LRRC4B: variants seen among roughly 807,000 people sequenced by gnomAD.
The protein encoded by LRRC4B is leucine rich repeat containing 4B.
LRRC4B carries 1 observed loss-of-function variant against 7.3 expected under a neutral mutation model. The ratio of observed to expected loss-of-function variants is 0.14; its 90% CI spans 0.05 to 0.65. LRRC4B has a LOEUF of 0.65. Among genes scored for constraint, LRRC4B ranks in the 30% least tolerant of loss-of-function variants. LRRC4B has a pLI of 0.84. For missense variants in LRRC4B, 730 were observed against 1,041.6 expected (o/e 0.70, Z 4.12); for synonymous variants, 500 against 499.2 (o/e 1.00, Z -0.02).
chr19:50,538,070 C>A (rs912092365), intron 2 of LRRC4B, among the ~76,000 whole-genome samples: 3 of 151,982 alleles, frequency 2.0e-5, no homozygotes, highest in African/African-American at 7.2e-5. Context: ...TTCTTTTTTG[C>A]CTTTTTTGAG....
chr19:50,538,466 G>A (rs779664529), intron 2 of LRRC4B, among the ~76,000 whole-genome samples: 5 of 151,996 alleles, frequency 3.3e-5, no homozygotes, highest in East Asian at 3.9e-4. Context: ...TGGAAAATGC[G>A]AACTAGTGGG....
At chr19:50,531,933 C>G (rs77080826) in intron 2 of LRRC4B, among the ~76,000 whole-genome samples, 3 of 152,162 alleles carry the variant, frequency 2.0e-5, no homozygotes, top group Non-Finnish European at 4.4e-5. Flanking sequence ...ATCATTAACA[C>G]TGGTCCTGGC....
intron 1 of LRRC4B, among the ~76,000 whole-genome samples, chr19:50,551,299 G>A (rs1441228685): frequency 2.0e-5 from 3 of 150,334 alleles, no homozygotes; most frequent in Non-Finnish European, 4.4e-5. Context: ...GCTTCCTGTC[G>A]AGATCGTGCT....
Position 50,565,196 on chromosome 19 carries a change from G to A in LRRC4B, c.-36+2748C>T, listed in dbSNP as rs542756182. On this transcript the variant is annotated intron_variant, in intron 1 of 2. Coordinates refer to ENST00000652263, the MANE Select transcript of LRRC4B (RefSeq NM_001080457.2). The stretch of plus-strand genomic sequence containing the variant: ...CTCGGTTTGGTGTGTGCGCCACAGT[G>A]CACAGCTCTGTGACTGTCTTAGCGG... 3.9e-5 allele frequency among the ~76,000 whole-genome samples: 6 copies of A among 152,170 alleles called. 1 individual carries two copies.
intron 2 of LRRC4B, among the ~76,000 whole-genome samples, chr19:50,542,986 G>A (rs1981618746): frequency 6.6e-6 from 1 of 152,130 alleles, no homozygotes; most frequent in South Asian, 2.1e-4. Flanking sequence ...CAGGCCAGGG[G>A]CAGGCGAGAA....
intron 2 of LRRC4B, among the ~76,000 whole-genome samples, chr19:50,546,697 C>T (rs942713504): frequency 1.3e-4 from 20 of 152,150 alleles, no homozygotes; most frequent in East Asian, 1.9e-4. Context: ...CCGCTGGTGG[C>T]GCTCAGCACG....
At chr19:50,551,385 G>A (rs904826061) in intron 1 of LRRC4B, among the ~76,000 whole-genome samples, 7 of 151,284 alleles carry the variant, frequency 4.6e-5, no homozygotes, top group South Asian at 2.1e-4. Flanking sequence ...CCCTGGGGGG[G>A]GCTGTCCTTT....
intron 2 of LRRC4B, among the ~76,000 whole-genome samples, chr19:50,526,200 G>C (rs1302856133): frequency 1.3e-5 from 2 of 152,008 alleles, no homozygotes; most frequent in African/African-American, 4.8e-5. Flanking sequence ...CTCTGCCCTG[G>C]AGCAGCTCAT....
rs578087829 is a variant in LRRC4B, at chr19:50,537,489, G to A, written c.297+11053C>T. 3.3e-5 allele frequency among the ~76,000 whole-genome samples: 5 copies of A among 152,284 alleles called. No homozygotes were observed. The highest frequency in any genetic ancestry group is 2.6e-4 in the Admixed American group (4 of 15,290). ...GTGACTCAACGCCTTAGCGTCATTC[G>A]TGGAGGGGAGAACGCGGGTCTTGTG... On this transcript the variant is annotated intron_variant, in intron 2 of 2. Coordinates refer to ENST00000652263, the MANE Select transcript of LRRC4B (RefSeq NM_001080457.2). This position sits in a 1 kb window ranked among gnomAD's most constrained non-coding sequence, Gnocchi z 5.5.
intron 2 of LRRC4B, among the ~76,000 whole-genome samples, chr19:50,526,211 C>A (rs1035552427): frequency 2.6e-5 from 4 of 152,146 alleles, no homozygotes; most frequent in African/African-American, 9.7e-5. Flanking sequence ...AGCAGCTCAT[C>A]CGCCTGGCAC....
chr19:50,517,688 G>A lies in LRRC4B; in HGVS notation c.2025C>T (p.Ser675=). 1 of 1,549,308 alleles carries A rather than the reference G, an allele frequency of 6.5e-7. No homozygotes were observed. The highest frequency in any genetic ancestry group is 8.7e-7 in the Non-Finnish European group (1 of 1,150,460). The change falls in exon 3 of 3, where the codon AGC becomes AGT. Residue 675 remains serine (S), a synonymous_variant. Coordinates refer to ENST00000652263, the MANE Select transcript of LRRC4B (RefSeq NM_001080457.2). The surrounding 1 kb of genome is among the most constrained non-coding windows in gnomAD (Gnocchi z 6.6). ...CGCAGCCCCCGCCGCTGGGGTTGCTGCTGTAGTGCGCCTTGAAGGCGGCAG... is the reference window on the plus strand; with the variant it reads ...CGCAGCCCCCGCCGCTGGGGTTGCTACTGTAGTGCGCCTTGAAGGCGGCAG... ...YVAAAFKAHY[S]SNPSGGGCGG...
Position 50,517,750 on chromosome 19 carries a change from G to A in LRRC4B, c.1963C>T (p.Leu655=). Reference sequence around the variant, plus strand: ...TGGTGGTTGAGGTGGTCTCGCTCCAGGGCGGGCAGGGCCAGGTGGCTGTCC... The same window carrying A: ...TGGTGGTTGAGGTGGTCTCGCTCCAAGGCGGGCAGGGCCAGGTGGCTGTCC... ...GGDSHLALPA[L]ERDHLNHHHY... Residue 655 remains leucine, a synonymous_variant, in exon 3 of 3, where the codon CTG becomes TTG. Coordinates refer to ENST00000652263, the MANE Select transcript of LRRC4B (RefSeq NM_001080457.2). This position sits in a 1 kb window ranked among gnomAD's most constrained non-coding sequence, Gnocchi z 6.6. 2.6e-6 allele frequency: 4 copies of A among 1,526,628 alleles called. No individual in the cohort carries two copies. The highest frequency in any genetic ancestry group is 3.5e-6 in the Non-Finnish European group (4 of 1,140,740). The allele number at this position is 1,526,628 out of a possible 1,614,324, so 94.6% of individuals were successfully genotyped here. A position where few individuals can be genotyped will look rare whatever the true frequency, so the allele number is the denominator to read the frequency against.
At chr19:50,550,462 C>A (rs534171610) in intron 1 of LRRC4B, among the ~76,000 whole-genome samples, 1 of 74,528 alleles carries the variant, frequency 1.3e-5, no homozygotes, top group South Asian at 5.0e-4. Context: ...ACTCTCAGGA[C>A]CCCCCTCTCA....
chr19:50,560,819 T>C (rs909396898), intron 1 of LRRC4B, among the ~76,000 whole-genome samples: 1 of 152,226 alleles, frequency 6.6e-6, no homozygotes, highest in African/African-American at 2.4e-5. Context: ...CCGGGTGCAG[T>C]GGCTCACGCC....
chr19:50,568,179 G>A lies in LRRC4B; in HGVS notation c.-271C>T. 6.5e-6 allele frequency: 1 copy of A among 153,010 alleles called. No homozygotes were observed. Among genetic ancestry groups the A allele is most frequent in the Non-Finnish European group, 1.5e-5 (1 of 68,472 alleles). The allele number at this position is 153,010 out of a possible 1,614,324, so 9.5% of individuals were successfully genotyped here. On this transcript the variant is annotated 5_prime_UTR_variant, in exon 1 of 3. Transcript: ENST00000652263. ...GGGGGCCGCTCTGCCTCCTCGCCTC[G>A]CGCCCGCCTGCCGTCCGGCCCCGCG...
rs1982173270 is a variant in LRRC4B, at chr19:50,553,576, T to C, written c.-35-4703A>G. On this transcript the variant is annotated intron_variant, in intron 1 of 2. Coordinates refer to ENST00000652263, the MANE Select transcript of LRRC4B (RefSeq NM_001080457.2). The surrounding 1 kb of genome is among the most constrained non-coding windows in gnomAD (Gnocchi z 4.2). ...CCGTGCTCCAATGCTACCTTCTCAG[T>C]GAGGCCGTCCTGACCGCCCCGCATC... Among the ~76,000 whole-genome samples, 1 of 152,214 alleles carries C rather than the reference T, an allele frequency of 6.6e-6. No homozygotes were observed.
rs1050269792 is a variant in LRRC4B at position 50,563,333 on chromosome 19, C to T, written c.-36+4611G>A. ...CAGCCCAGCCTCAGGAACTGGGACTCGAAGGGAAGGGAGGTTCTCCCCAGT... is the reference window on the plus strand; with the variant it reads ...CAGCCCAGCCTCAGGAACTGGGACTTGAAGGGAAGGGAGGTTCTCCCCAGT... On this transcript the variant is annotated intron_variant, in intron 1 of 2. Transcript: ENST00000652263. The surrounding 1 kb of genome is among the most constrained non-coding windows in gnomAD (Gnocchi z 4.9). 3.9e-5 allele frequency among the ~76,000 whole-genome samples: 6 copies of T among 152,166 alleles called. No homozygotes were observed. Among genetic ancestry groups the T allele is most frequent in the Non-Finnish European group, 7.4e-5 (5 of 68,018 alleles).
intron 2 of LRRC4B, among the ~76,000 whole-genome samples, chr19:50,541,774 T>A (rs1039133346): frequency 1.3e-4 from 20 of 152,286 alleles, no homozygotes; most frequent in African/African-American, 4.8e-4. Context: ...GGCAATTCCC[T>A]CTGGGTATAT....
chr19:50,567,634 A>G (rs542974385), intron 1 of LRRC4B, among the ~76,000 whole-genome samples: 1 of 141,350 alleles, frequency 7.1e-6, no homozygotes, highest in South Asian at 2.3e-4. Context: ...CCCTAAGCCT[A>G]CTTCCTCAGC....
Sources: gnomAD v4.1 joint callset for allele counts (sites outside exome capture counted in the v4.1 genomes callset) on GRCh38, gnomAD v4.1.1 for gene constraint, Gnocchi (gnomAD v3.1) non-coding constraint, MANE v1.5 for transcripts, NCBI Gene and HGNC (gene_info 2026-07-23, HGNC 2026-07-21) for gene names.